Variants in ADGRL3 observed in about 807,000 individuals in gnomAD.
ADGRL3 encodes the protein calcium-independent alpha-latrotoxin receptor 3.
Under a neutral mutation model 153.5 loss-of-function variants are expected in ADGRL3, and 62 were observed. That is an observed-to-expected ratio of 0.40 (90% confidence interval 0.33 to 0.50). The LOEUF (loss-of-function observed/expected upper bound fraction) is 0.50. Among genes scored for constraint, ADGRL3 ranks in the 20% least tolerant of loss-of-function variants. The probability of loss-of-function intolerance (pLI) is 0.47; values close to 1 mark genes in which losing one functional copy is unlikely to be tolerated. For synonymous variants in ADGRL3, 710 were observed against 672.5 expected (o/e 1.06, Z -0.86); for missense variants, 1,641 against 1,859.4 (o/e 0.88, Z 2.16).
chr4:61,463,317 G>A (rs752638705), intron 2 of ADGRL3, among the ~76,000 whole-genome samples: 5 of 152,180 alleles, frequency 3.3e-5, no homozygotes, highest in Non-Finnish European at 7.3e-5. Context: ...AGGCTGTACA[G>A]GAAGCATGGC....
intron 4 of ADGRL3, among the ~76,000 whole-genome samples, chr4:61,567,546 C>A (rs553491853): frequency 6.6e-6 from 1 of 152,220 alleles, no homozygotes; most frequent in African/African-American, 2.4e-5. Context: ...TCACTAGACA[C>A]CATATCTGTC....
At chr4:61,559,132 A>G (rs985210563) in intron 4 of ADGRL3, among the ~76,000 whole-genome samples, 4 of 152,090 alleles carry the variant, frequency 2.6e-5, no homozygotes, top group Admixed American at 6.6e-5. Flanking sequence ...AAGAAATGAG[A>G]CAGTTTATAG....
chr4:61,790,007 A>G (rs1444854828), intron 8 of ADGRL3, among the ~76,000 whole-genome samples: 5 of 152,222 alleles, frequency 3.3e-5, no homozygotes, highest in Admixed American at 3.3e-4. Flanking sequence ...AGAGTGTTTA[A>G]GCACTAAAAC....
intron 1 of ADGRL3, among the ~76,000 whole-genome samples, chr4:61,293,286 C>G (rs1233015118): frequency 6.6e-6 from 1 of 152,122 alleles, no homozygotes; most frequent in Non-Finnish European, 1.5e-5. Flanking sequence ...GTGTTTTAAA[C>G]CATCATTACC....
At chr4:61,233,585 A>G (rs999476720) in intron 1 of ADGRL3, among the ~76,000 whole-genome samples, 3 of 152,192 alleles carry the variant, frequency 2.0e-5, no homozygotes, top group Non-Finnish European at 4.4e-5. Context: ...ATGTCAATAT[A>G]TACAGGGTAG....
At position 61,802,299 on chromosome 4, in the gene ADGRL3, C is replaced by T. The variant is rs114023706; in HGVS notation, c.1400-11510C>T. On this transcript the variant is annotated intron_variant, in intron 8 of 26. Coordinates refer to ENST00000683033, the MANE Select transcript of ADGRL3 (RefSeq NM_001387552.1). ...AAAGTGAGAAAATCCAACTCAAATTCGCCAAAACTAAAATAAGGAATTTAA... is the reference window on the plus strand; with the variant it reads ...AAAGTGAGAAAATCCAACTCAAATTTGCCAAAACTAAAATAAGGAATTTAA... Among the ~76,000 whole-genome samples, 1,262 of 152,210 alleles carry T rather than the reference C, an allele frequency of 8.3e-3. 13 individuals are homozygous for T. Among genetic ancestry groups the T allele is most frequent in the African/African-American group, 0.028 (1,162 of 41,552 alleles).
At chr4:61,893,438 G>C (rs945498272) in intron 10 of ADGRL3, among the ~76,000 whole-genome samples, 1 of 152,168 alleles carries the variant, frequency 6.6e-6, no homozygotes, top group Middle Eastern at 3.4e-3. Context: ...ACTCATGCTT[G>C]TCACCAACCA....
At chr4:61,467,762 T>G (rs1012794041) in intron 2 of ADGRL3, among the ~76,000 whole-genome samples, 1 of 152,150 alleles carries the variant, frequency 6.6e-6, no homozygotes, top group Non-Finnish European at 1.5e-5. Flanking sequence ...TATCCTTAAT[T>G]TAAGAAATTA....
chr4:61,352,442 G>A (rs2096069144), intron 1 of ADGRL3, among the ~76,000 whole-genome samples: 1 of 151,262 alleles, frequency 6.6e-6, no homozygotes, highest in African/African-American at 2.4e-5. Flanking sequence ...AAGCTGGAGT[G>A]CAGTGGTGCG....
intron 1 of ADGRL3, among the ~76,000 whole-genome samples, chr4:61,220,992 G>A (rs1745215310): frequency 6.6e-6 from 1 of 152,018 alleles, no homozygotes; most frequent in African/African-American, 2.4e-5. Flanking sequence ...TTTCCCCAAT[G>A]CACATTTTCC....
intron 8 of ADGRL3, among the ~76,000 whole-genome samples, chr4:61,776,515 A>T (rs1055164257): frequency 1.8e-4 from 28 of 152,304 alleles, no homozygotes; most frequent in Admixed American, 1.1e-3. Context: ...CAACTATTAA[A>T]GTTTAGTATA....
intron 1 of ADGRL3, among the ~76,000 whole-genome samples, chr4:61,249,262 C>T (rs1426265012): frequency 6.6e-6 from 1 of 152,116 alleles, no homozygotes; most frequent in African/African-American, 2.4e-5. Context: ...GTAACACATT[C>T]ATAAGGATTA....
chr4:61,426,952 C>T (rs6814707), intron 2 of ADGRL3: 141,888 of 152,296 alleles, frequency 0.93, 66,931 homozygotes, highest in East Asian at 1. Context: ...TTTTGTCCCA[C>T]GAGGTGGCCC....
chr4:61,775,202 G>A lies in ADGRL3; in HGVS notation c.1400-38607G>A, dbSNP rs549088640. Among the ~76,000 whole-genome samples the A allele has an allele frequency of 2.0e-5, 3 of 151,098 alleles. No homozygotes were observed. The East Asian group carries it at 5.8e-4, about 29-fold the overall frequency. ...GTATGAATATATTGACTTGCCAGAT[G>A]GTCTGGATTCCTATGACAGCTTTTT... On this transcript the variant is annotated intron_variant, in intron 8 of 26. Coordinates refer to ENST00000683033, the MANE Select transcript of ADGRL3 (RefSeq NM_001387552.1).
chr4:61,750,396 CCTGA>C (rs566363317), intron 8 of ADGRL3, among the ~76,000 whole-genome samples: 169 of 152,268 alleles, frequency 1.1e-3, no homozygotes, highest in Admixed American at 3.1e-3. Flanking sequence ...TCCTCGTCTG[CCTGA>C]CTTTCTGCTT....
At chr4:61,329,691 A>C (rs2095532693) in intron 1 of ADGRL3, among the ~76,000 whole-genome samples, 1 of 148,490 alleles carries the variant, frequency 6.7e-6, no homozygotes, top group African/African-American at 2.4e-5. Context: ...CCATTTTATA[A>C]GAAAAAAAAT....
At chr4:61,654,590 T>C (rs1251401894) in intron 5 of ADGRL3, among the ~76,000 whole-genome samples, 1 of 152,116 alleles carries the variant, frequency 6.6e-6, no homozygotes, top group East Asian at 1.9e-4. Context: ...ATAGTAATAA[T>C]ACCTGAGCCT....
intron 9 of ADGRL3, among the ~76,000 whole-genome samples, chr4:61,892,430 T>C (rs1464879604): frequency 6.6e-6 from 1 of 152,152 alleles, no homozygotes; most frequent in Non-Finnish European, 1.5e-5. Flanking sequence ...CTTAAAAAGC[T>C]TGTGTTTGGC....
rs550164866 is a variant in ADGRL3 at position 61,572,779 on chromosome 4, G to A, written c.260-14448G>A. Reference sequence around the variant, plus strand: ...CCCATAAATAGTAGTGTGTTAATTTGTGTCATGCAAAATTAAGCACTTTGG... The same window carrying A: ...CCCATAAATAGTAGTGTGTTAATTTATGTCATGCAAAATTAAGCACTTTGG... On this transcript the variant is annotated intron_variant, in intron 4 of 26. Coordinates refer to ENST00000683033, the MANE Select transcript of ADGRL3 (RefSeq NM_001387552.1). Among the ~76,000 whole-genome samples, 3 of 152,000 alleles carry A rather than the reference G, an allele frequency of 2.0e-5. No individual in the cohort carries two copies. In the East Asian group the frequency reaches 5.8e-4, roughly 29 times the overall value.
Sources: allele counts gnomAD v4.1 joint callset (sites outside exome capture counted in the v4.1 genomes callset), GRCh38; gene constraint gnomAD v4.1.1; transcripts MANE v1.5; gene names NCBI Gene and HGNC (gene_info 2026-07-23, HGNC 2026-07-21).